Variants in MAPK8 observed in about 807,000 individuals in gnomAD.
MAPK8 encodes the protein JUN N-terminal kinase.
Under a neutral mutation model 52.9 loss-of-function variants are expected in MAPK8, and 13 were observed. That is an observed-to-expected ratio of 0.25 (90% confidence interval 0.16 to 0.39). The LOEUF is 0.39. MAPK8 is among the 10% of genes least tolerant of loss of function. MAPK8 has a pLI of 1.00. For synonymous variants in MAPK8, 191 were observed against 169.8 expected, an observed-to-expected ratio of 1.12 and a Z score of -0.97; for missense variants, 300 against 519.2, an observed-to-expected ratio of 0.58 and a Z score of 4.10.
At chr10:48,389,405 A>G (rs1476990180) in intron 1 of MAPK8, among the ~76,000 whole-genome samples, 1 of 152,178 alleles carries the variant, frequency 6.6e-6, no homozygotes, top group African/African-American at 2.4e-5. Flanking sequence ...CCTCTTGAAG[A>G]AGCACTTACT....
intron 1 of MAPK8, among the ~76,000 whole-genome samples, chr10:48,382,041 A>G (rs1313304935): frequency 6.6e-6 from 1 of 152,202 alleles, no homozygotes; most frequent in African/African-American, 2.4e-5. Context: ...CATAGCCAGG[A>G]GACAACAGCC....
intron 1 of MAPK8, among the ~76,000 whole-genome samples, chr10:48,369,425 G>C (rs1448154747): frequency 1.3e-5 from 2 of 152,178 alleles, no homozygotes; most frequent in African/African-American, 4.8e-5. Context: ...AGCAAATTTA[G>C]TGGGGATTGA....
At chr10:48,382,262 T>C (rs969876256) in intron 1 of MAPK8, among the ~76,000 whole-genome samples, 3 of 152,192 alleles carry the variant, frequency 2.0e-5, no homozygotes, top group African/African-American at 7.2e-5. Flanking sequence ...TGTTTAAAAC[T>C]GACAAGTCTG....
chr10:48,358,991 G>A (rs1173305331), intron 1 of MAPK8, among the ~76,000 whole-genome samples: 5 of 152,202 alleles, frequency 3.3e-5, no homozygotes, highest in African/African-American at 1.2e-4. Context: ...GTACCATACT[G>A]TTTTTATTAC....
At position 48,435,119 on chromosome 10, in the gene MAPK8, G is replaced by A; in HGVS notation, c.*90G>A. On this transcript the variant is annotated 3_prime_UTR_variant, in exon 12 of 12. Transcript: ENST00000374189. ...AAAACAATTCAGTGGTCTTATTTTT[G>A]GGTGATTTTTCAAAAAATGTAGAAT... is the stretch of plus-strand genomic sequence containing the variant. 9.6e-7 allele frequency: 1 copy of A among 1,038,570 alleles called. No homozygotes were observed. Among genetic ancestry groups the A allele is most frequent in the Non-Finnish European group, 1.3e-6 (1 of 762,640 alleles). The allele number at this position is 1,038,570 out of a possible 1,614,324, so 64.3% of individuals were successfully genotyped here.
At chr10:48,314,028 C>CT (rs1251016956) in intron 1 of MAPK8, among the ~76,000 whole-genome samples, 5 of 152,102 alleles carry the variant, frequency 3.3e-5, no homozygotes, top group Admixed American at 2.0e-4. Flanking sequence ...AAATGGCATG[C>CT]TTTTTTAACA....
chr10:48,417,869 T>C (rs1446081965), intron 5 of MAPK8, among the ~76,000 whole-genome samples: 12 of 152,234 alleles, frequency 7.9e-5, no homozygotes. Context: ...AGGTGGCTAC[T>C]TCTTTTAAAT....
At chr10:48,419,131 C>T (rs1205761737) in intron 5 of MAPK8, among the ~76,000 whole-genome samples, 1 of 152,120 alleles carries the variant, frequency 6.6e-6, no homozygotes, top group South Asian at 2.1e-4. Context: ...GATTACATAT[C>T]TTCTAAACCC....
intron 5 of MAPK8, among the ~76,000 whole-genome samples, chr10:48,417,466 A>G (rs374568936): frequency 2.0e-5 from 3 of 152,174 alleles, no homozygotes; most frequent in African/African-American, 4.8e-5. Flanking sequence ...CCAACCCAAG[A>G]TATCAGTGGC....
At chr10:48,330,029 T>A (rs1843966506) in intron 1 of MAPK8, among the ~76,000 whole-genome samples, 1 of 151,840 alleles carries the variant, frequency 6.6e-6, no homozygotes, top group African/African-American at 2.4e-5. Context: ...TTGGTGTACT[T>A]CTTTTTATGT....
intron 1 of MAPK8, among the ~76,000 whole-genome samples, chr10:48,330,584 A>C (rs946729344): frequency 6.6e-6 from 1 of 152,220 alleles, no homozygotes; most frequent in African/African-American, 2.4e-5. Flanking sequence ...ACTCAGAGAC[A>C]TGAAGAACAG....
At chr10:48,405,974 A>G (rs915343882) in intron 3 of MAPK8, among the ~76,000 whole-genome samples, 2 of 152,338 alleles carry the variant, frequency 1.3e-5, no homozygotes, top group African/African-American at 4.8e-5. Context: ...ACAGACATAC[A>G]GAGAGTTAAA....
intron 1 of MAPK8, among the ~76,000 whole-genome samples, chr10:48,352,333 A>G (rs1399496472): frequency 6.6e-6 from 1 of 151,988 alleles, no homozygotes; most frequent in African/African-American, 2.4e-5. Context: ...ACCTACCAAT[A>G]AAGACCAACT....
chr10:48,340,286 T>G (rs1845124326), intron 1 of MAPK8, among the ~76,000 whole-genome samples: 1 of 152,146 alleles, frequency 6.6e-6, no homozygotes, highest in Non-Finnish European at 1.5e-5. Context: ...ATCAAGTGAA[T>G]TAATGCAGAA....
At chr10:48,308,628 CAT>C (rs1158063291) in intron 1 of MAPK8, among the ~76,000 whole-genome samples, 1 of 152,082 alleles carries the variant, frequency 6.6e-6, no homozygotes, top group East Asian at 1.9e-4. Context: ...CACAGGCACT[CAT>C]AAACTGGTAT....
At chr10:48,386,383 TTTAAAA>T (rs1162521090) in intron 1 of MAPK8, among the ~76,000 whole-genome samples, 1 of 152,212 alleles carries the variant, frequency 6.6e-6, no homozygotes, top group Non-Finnish European at 1.5e-5. Context: ...TTTTCTTAGA[TTTAAAA>T]TTAAAATAGC....
rs2041995598 is a variant in MAPK8 at position 48,398,404 on chromosome 10, C to T, written c.-49-3208C>T. Among the ~76,000 whole-genome samples the T allele has an allele frequency of 2.0e-5, 3 of 152,178 alleles. No individual in the cohort carries two copies. In the South Asian group the frequency reaches 6.2e-4, roughly 32 times the overall value. On this transcript the variant is annotated intron_variant, in intron 1 of 11. Transcript: ENST00000374189. Reference sequence around the variant, plus strand: ...ATTAGGAAATGTAAATGTAAACCACCATGAAATACCACTGTACACCCACTA... The same window carrying T: ...ATTAGGAAATGTAAATGTAAACCACTATGAAATACCACTGTACACCCACTA...
At chr10:48,343,187 T>C (rs887458175) in intron 1 of MAPK8, among the ~76,000 whole-genome samples, 3 of 152,208 alleles carry the variant, frequency 2.0e-5, no homozygotes, top group Admixed American at 1.3e-4. Flanking sequence ...TCAGTATTAG[T>C]AGGCTGGATT....
intron 5 of MAPK8, among the ~76,000 whole-genome samples, chr10:48,413,693 G>C (rs1056910492): frequency 6.6e-6 from 1 of 151,088 alleles, no homozygotes; most frequent in African/African-American, 2.4e-5. Flanking sequence ...ATGGAGCAAT[G>C]TAAAGTTTGT....
Sources: gnomAD v4.1 joint callset for allele counts (sites outside exome capture counted in the v4.1 genomes callset) on GRCh38, gnomAD v4.1.1 for gene constraint, MANE v1.5 for transcripts, NCBI Gene and HGNC (gene_info 2026-07-23, HGNC 2026-07-21) for gene names.